ARHGAP44: variants seen among roughly 807,000 people sequenced by gnomAD.
The protein encoded by ARHGAP44 is rho GTPase-activating protein 44.
ARHGAP44 carries 43 observed loss-of-function variants against 106.8 expected under a neutral mutation model. The ratio of observed to expected loss-of-function variants is 0.40; its 90% confidence interval spans 0.32 to 0.52. The LOEUF is 0.52. Ranked by LOEUF, ARHGAP44 falls within the 20% of genes least tolerant of loss-of-function variation. The pLI, the probability that ARHGAP44 is intolerant of heterozygous loss-of-function variation, is 0.48. For synonymous variants in ARHGAP44, 439 were observed against 410.3 expected (o/e 1.07, Z -0.85); for missense variants, 866 against 1,050.5 (o/e 0.82, Z 2.43).
intron 1 of ARHGAP44, among the ~76,000 whole-genome samples, chr17:12,794,613 G>T (rs140579232): frequency 9.9e-5 from 15 of 152,234 alleles, no homozygotes; most frequent in Admixed American, 2.0e-4. Flanking sequence ...TGGTTGGGTC[G>T]GGTTGAATTG....
chr17:12,902,899 G>C (rs2037414999), intron 3 of ARHGAP44, among the ~76,000 whole-genome samples: 1 of 152,150 alleles, frequency 6.6e-6, no homozygotes, highest in Admixed American at 6.5e-5. Flanking sequence ...AAATATTAAA[G>C]AAGTGTAACC....
Position 12,802,946 on chromosome 17 carries a change from TATATATATATATATATA to T in ARHGAP44, c.53+13056_53+13072del, listed in dbSNP as rs1567621177. 5.3e-3 allele frequency among the ~76,000 whole-genome samples: 108 copies of T among 20,308 alleles called. 11 individuals are homozygous for T. Among genetic ancestry groups the T allele is most frequent in the African/African-American group, 0.018 (77 of 4,290 alleles). The allele number at this position is 20,308 out of a possible 152,430, so 13.3% of individuals were successfully genotyped here. On this transcript the variant is annotated intron_variant, in intron 1 of 20. Transcript: ENST00000379672. ...GCTAATTTATATATATATATATATA[TATATATATATATATATA>T]TATATATTTTTTTTTTTTTTTTTTT...
intron 20 of ARHGAP44, among the ~76,000 whole-genome samples, chr17:12,989,395 C>T (rs1383234556): frequency 6.6e-6 from 1 of 152,134 alleles, no homozygotes; most frequent in African/African-American, 2.4e-5. Context: ...ATTTCAAGTA[C>T]ATTTCTCCTG....
Position 12,990,195 on chromosome 17 carries a change from G to T in ARHGAP44, c.*24G>T. Reference sequence around the variant, plus strand: ...GACATGACACCGCCCATCCTGCCTCGCGTGTACATACATCACGGGCCCTAG... The same window carrying T: ...GACATGACACCGCCCATCCTGCCTCTCGTGTACATACATCACGGGCCCTAG... On this transcript the variant is annotated 3_prime_UTR_variant, in exon 21 of 21. Coordinates refer to ENST00000379672, the MANE Select transcript of ARHGAP44 (RefSeq NM_014859.6). The T allele has an allele frequency of 8.8e-6, 14 of 1,599,968 alleles. No homozygotes were observed. Among genetic ancestry groups the T allele is most frequent in the Non-Finnish European group, 1.1e-5 (13 of 1,168,628 alleles).
At chr17:12,951,898 T>G (rs77608431) in intron 12 of ARHGAP44, among the ~76,000 whole-genome samples, 3,105 of 152,244 alleles carry the variant, frequency 0.02, 84 homozygotes, top group South Asian at 0.065. Flanking sequence ...GCTATTGGGT[T>G]GATAACCTAT....
chr17:12,934,638 C>G (rs1402553200), intron 7 of ARHGAP44, among the ~76,000 whole-genome samples: 3 of 152,130 alleles, frequency 2.0e-5, no homozygotes, highest in Non-Finnish European at 2.9e-5. Flanking sequence ...TCTGAAACAC[C>G]AGTGGAAGGA....
At chr17:12,981,207 C>T (rs1259398595) in intron 19 of ARHGAP44, among the ~76,000 whole-genome samples, 1 of 152,158 alleles carries the variant, frequency 6.6e-6, no homozygotes, top group Non-Finnish European at 1.5e-5. Flanking sequence ...GGGAGACACT[C>T]AGGGTACTGT....
intron 1 of ARHGAP44, among the ~76,000 whole-genome samples, chr17:12,880,896 A>G (rs138724505): frequency 2.6e-5 from 4 of 152,284 alleles, no homozygotes; most frequent in African/African-American, 9.6e-5. Flanking sequence ...ATCTCCACCA[A>G]TTGGAATTGT....
At position 12,868,589 on chromosome 17, in the gene ARHGAP44, T is replaced by TA. The variant is rs2036303679; in HGVS notation, c.54-26351_54-26350insA. Among the ~76,000 whole-genome samples, 18 of 104,900 alleles carry TA rather than the reference T, an allele frequency of 1.7e-4. 2 individuals are homozygous for TA. Among genetic ancestry groups the TA allele is most frequent in the Admixed American group, 3.2e-4 (3 of 9,416 alleles). 68.8% of individuals were successfully genotyped at this position (104,900 alleles called of 152,430 possible). On this transcript the variant is annotated intron_variant, in intron 1 of 20. Coordinates refer to ENST00000379672, the MANE Select transcript of ARHGAP44 (RefSeq NM_014859.6). The stretch of plus-strand genomic sequence containing the variant: ...TCATTTAAAAAGTCATATATATGCA[T>TA]TTTATATATATATATATATATATAT...
At position 12,984,725 on chromosome 17, in the gene ARHGAP44, C is replaced by G; in HGVS notation, c.2134C>G (p.Pro712Ala). 1 of 1,613,944 alleles carries G rather than the reference C, an allele frequency of 6.2e-7. No homozygotes were observed. The highest frequency in any genetic ancestry group is 1.1e-5 in the South Asian group (1 of 91,078). ...SGQLSPAAAP[P>A]LASPSVFTST... Reference sequence around the variant, plus strand: ...CCAGCTCTCCCCAGCTGCAGCTCCTCCCCTGGCCTCTCCTTCTGTCTTTAC... The same window carrying G: ...CCAGCTCTCCCCAGCTGCAGCTCCTGCCCTGGCCTCTCCTTCTGTCTTTAC... The change falls in exon 20 of 21, where the codon CCC becomes GCC. Residue 712 changes from proline to alanine, a missense_variant. Physicochemically the swap from Pro to Ala is conservative, Grantham distance 27. Around this residue, in one of 2 missense-constraint regions of ARHGAP44, gnomAD observed 418 missense variants for 403.6 expected, o/e 1.04. Transcript: ENST00000379672.
At chr17:12,802,152 A>G (rs1230289709) in intron 1 of ARHGAP44, among the ~76,000 whole-genome samples, 3 of 152,196 alleles carry the variant, frequency 2.0e-5, no homozygotes, top group Non-Finnish European at 4.4e-5. Flanking sequence ...CATTGCTACT[A>G]ATTTTAAAGA....
intron 18 of ARHGAP44, among the ~76,000 whole-genome samples, chr17:12,975,397 G>A (rs1431943235): frequency 6.6e-6 from 1 of 152,064 alleles, no homozygotes; most frequent in African/African-American, 2.4e-5. Flanking sequence ...GATGACCTTT[G>A]CAGCTTGCCA....
At chr17:12,870,390 T>A (rs2036375860) in intron 1 of ARHGAP44, among the ~76,000 whole-genome samples, 1 of 152,270 alleles carries the variant, frequency 6.6e-6, no homozygotes, top group East Asian at 1.9e-4. Flanking sequence ...TTTAGCCTTT[T>A]AATACGTACT....
chr17:12,956,453 G>T (rs1386747067), intron 14 of ARHGAP44, among the ~76,000 whole-genome samples: 1 of 152,174 alleles, frequency 6.6e-6, no homozygotes, highest in African/African-American at 2.4e-5. Flanking sequence ...TGTGCCTCGG[G>T]TTTATCTCCA....
chr17:12,923,943 C>A lies in ARHGAP44; in HGVS notation c.464+4112C>A, dbSNP rs28499568. ...ACAGCTGGGTTCTGAATGCTCCCCC[C>A]CTACCCCCTGCATTTCTCCATAAAG... On this transcript the variant is annotated intron_variant, in intron 6 of 20. Transcript: ENST00000379672. Among the ~76,000 whole-genome samples the A allele has an allele frequency of 2.0e-3, 297 of 152,278 alleles. 1 individual carries two copies. Among genetic ancestry groups the A allele is most frequent in the African/African-American group, 6.7e-3 (278 of 41,556 alleles).
At chr17:12,794,179 G>A (rs1243897146) in intron 1 of ARHGAP44, among the ~76,000 whole-genome samples, 1 of 152,218 alleles carries the variant, frequency 6.6e-6, no homozygotes, top group African/African-American at 2.4e-5. Context: ...TCTTGGAAGT[G>A]ACATTTGCTT....
intron 1 of ARHGAP44, among the ~76,000 whole-genome samples, chr17:12,859,263 C>G (rs1346576565): frequency 6.6e-6 from 1 of 152,180 alleles, no homozygotes; most frequent in Non-Finnish European, 1.5e-5. Context: ...GACAGATTCT[C>G]CCTCACAGCC....
At chr17:12,795,523 A>G (rs971882392) in intron 1 of ARHGAP44, among the ~76,000 whole-genome samples, 2 of 151,318 alleles carry the variant, frequency 1.3e-5, no homozygotes, top group Non-Finnish European at 2.9e-5. Context: ...TAATTTATCA[A>G]TGATTTTTTT....
intron 3 of ARHGAP44, among the ~76,000 whole-genome samples, chr17:12,904,478 G>A (rs1308653104): frequency 6.6e-6 from 1 of 152,158 alleles, no homozygotes; most frequent in Non-Finnish European, 1.5e-5. Flanking sequence ...CCCCACCTTG[G>A]AATCCAAGCT....
Sources: gnomAD v4.1 joint callset for allele counts (sites outside exome capture counted in the v4.1 genomes callset) on GRCh38, gnomAD v4.1.1 for gene constraint, gnomAD v4.1.1 regional missense constraint, MANE v1.5 for transcripts, NCBI Gene and HGNC (gene_info 2026-07-23, HGNC 2026-07-21) for gene names.